The following ACSF2 variants were observed in gnomAD, a reference collection of about 807,000 sequenced individuals.
The protein encoded by ACSF2 is acyl-CoA synthetase family member 2.
ACSF2 carries 52 observed loss-of-function variants against 79.3 expected under a neutral mutation model. The ratio of observed to expected loss-of-function variants is 0.66; its 90% CI spans 0.53 to 0.83. The LOEUF (loss-of-function observed/expected upper bound fraction) is 0.83. Ranked by LOEUF, ACSF2 falls within the 40% of genes least tolerant of loss-of-function variation. The probability of loss-of-function intolerance (pLI) is 0.00; values close to 1 mark genes in which losing one functional copy is unlikely to be tolerated. For missense variants in ACSF2, 661 were observed against 803.3 expected (o/e 0.82, Z 2.14); for synonymous variants, 283 against 312.6 (o/e 0.91, Z 1.00).
chr17:50,472,454 G>A lies in ACSF2; in HGVS notation c.1350G>A (p.Gly450=). 6.2e-7 allele frequency: 1 copy of A among 1,612,786 alleles called. No homozygotes were observed. Among genetic ancestry groups the A allele is most frequent in the Non-Finnish European group, 8.5e-7 (1 of 1,179,400 alleles). Reference sequence around the variant, plus strand: ...CCCGGATCATGAACATGGAGGCAGGGACGCTGGCAAAGCTGAACACGCCCG... The same window carrying A: ...CCCGGATCATGAACATGGAGGCAGGAACGCTGGCAAAGCTGAACACGCCCG... ...TEARIMNMEA[G]TLAKLNTPGE... The change falls in exon 12 of 16, where the codon GGG becomes GGA. Residue 450 remains glycine (G), a synonymous_variant. Transcript: ENST00000300441.
Position 50,462,320 on chromosome 17 carries a change from TAGTG to T in ACSF2, c.626+19_626+22del. The T allele has an allele frequency of 6.2e-7, 1 of 1,613,164 alleles. No homozygotes were observed. The highest frequency in any genetic ancestry group is 1.1e-5 in the South Asian group (1 of 91,046). ...AGTCAGAGGTGGGTGTGTCCCAGGT[TAGTG>T]GGTGGTGCATCATTCAGCATCCCTG... On this transcript the variant is annotated intron_variant, in intron 5 of 15. Transcript: ENST00000300441.
chr17:50,449,978 C>G (rs2031563827), intron 1 of ACSF2, among the ~76,000 whole-genome samples: 1 of 152,154 alleles, frequency 6.6e-6, no homozygotes, highest in Non-Finnish European at 1.5e-5. Flanking sequence ...TCTTCTTTCA[C>G]TTAATAAACG....
chr17:50,471,659 CTG>C lies in ACSF2; in HGVS notation c.1323+525_1323+526del, dbSNP rs1456941235. ...CCATGCCTCCTTTCCTGCTCCAACA[CTG>C]GGGCTGTGCCAGCTGGCTCCTGATT... On this transcript the variant is annotated intron_variant, in intron 11 of 15. Transcript: ENST00000300441. This position sits in a 1 kb window ranked among gnomAD's most constrained non-coding sequence, Gnocchi z 4.1. 8 of 165,304 alleles carry C rather than the reference CTG, an allele frequency of 4.8e-5. No individual in the cohort carries two copies. The highest frequency in any genetic ancestry group is 1.7e-4 in the South Asian group (1 of 6,032). The allele number at this position is 165,304 out of a possible 1,614,324, so 10.2% of individuals were successfully genotyped here.
In ACSF2 at chr17:50,471,207, G is replaced by T. The variant is rs764219004; in HGVS notation, c.1323+72G>T. The T allele has an allele frequency of 7.5e-7, 1 of 1,339,684 alleles. No homozygotes were observed. The highest frequency in any genetic ancestry group is 1.2e-5 in the South Asian group (1 of 84,444). The allele number at this position is 1,339,684 out of a possible 1,614,324, so 83.0% of individuals were successfully genotyped here. A position where few individuals can be genotyped will look rare whatever the true frequency, so the allele number is the denominator to read the frequency against. On this transcript the variant is annotated intron_variant, in intron 11 of 15. Transcript: ENST00000300441. This position sits in a 1 kb window ranked among gnomAD's most constrained non-coding sequence, Gnocchi z 4.1. ...CTGGGGTGCACCCAGCTGGGACATC[G>T]GTTGCTTTCAGTGAGAGAGTCAAAT...
intron 1 of ACSF2, chr17:50,460,307 G>T: frequency 2.1e-6 from 1 of 467,904 alleles, no homozygotes; most frequent in Non-Finnish European, 4.2e-6. Flanking sequence ...AAGGACCCCA[G>T]TGACCTGTTT....
At position 50,471,067 on chromosome 17, in the gene ACSF2, G is replaced by A. The variant is rs777398620; in HGVS notation, c.1255G>A (p.Ala419Thr). Residue 419 changes from alanine to threonine, a missense_variant, in exon 11 of 16, where the codon GCG becomes ACG. By Grantham distance (58) the Ala-to-Thr change is moderately conservative (BLOSUM62 0). Transcript: ENST00000300441. This position sits in a 1 kb window ranked among gnomAD's most constrained non-coding sequence, Gnocchi z 4.1. Reference sequence around the variant, plus strand: ...CACAGAGAACAGTCCCGTGACATTCGCGCACTTCCCTGAGGACACTGTGGA... The same window carrying A: ...CACAGAGAACAGTCCCGTGACATTCACGCACTTCCCTGAGGACACTGTGGA... ...GTTENSPVTF[A>T]HFPEDTVEQK... The A allele has an allele frequency of 2.4e-5, 38 of 1,613,776 alleles. No individual in the cohort carries two copies. Among genetic ancestry groups the A allele is most frequent in the African/African-American group, 1.7e-4 (13 of 74,814 alleles).
chr17:50,439,084 T>C (rs1179278462), intron 1 of ACSF2, among the ~76,000 whole-genome samples: 1 of 152,042 alleles, frequency 6.6e-6, no homozygotes, highest in Non-Finnish European at 1.5e-5. Flanking sequence ...CTTTTTTTTT[T>C]CAAGAGACAG....
At chr17:50,445,802 T>C (rs2031260008) in intron 1 of ACSF2, among the ~76,000 whole-genome samples, 1 of 89,736 alleles carries the variant, frequency 1.1e-5, no homozygotes, top group Admixed American at 1.1e-4. Flanking sequence ...CCCCATCCTA[T>C]CTTTAAAAAA....
rs1260181748 is a variant in ACSF2 at position 50,463,934 on chromosome 17, G to T, written c.1138+25G>T. ...GGTGGGGTGGGGCCAAGGGCAGCCA[G>T]GCTTGGGGAGGGGGCTGCTTCCCCC... On this transcript the variant is annotated intron_variant, in intron 9 of 15. Transcript: ENST00000300441. The surrounding 1 kb of genome is among the most constrained non-coding windows in gnomAD (Gnocchi z 4.6). 1.2e-6 allele frequency: 2 copies of T among 1,609,378 alleles called. No homozygotes were observed. The highest frequency in any genetic ancestry group is 1.7e-6 in the Non-Finnish European group (2 of 1,176,068).
intron 10 of ACSF2, 98 bp downstream of exon 10, chr17:50,464,392 A>G: frequency 8.2e-7 from 1 of 1,222,960 alleles, no homozygotes; most frequent in South Asian, 1.2e-5. Flanking sequence ...TGTTCAAAGG[A>G]GACCCTCTCA....
chr17:50,471,234 G>A lies in ACSF2; in HGVS notation c.1323+99G>A. ...TTGCTTTCAGTGAGAGAGTCAAATG[G>A]CTCACTCAGGATGCCTAGAGCCCCC... On this transcript the variant is annotated intron_variant, in intron 11 of 15. Coordinates refer to ENST00000300441, the MANE Select transcript of ACSF2 (RefSeq NM_025149.6). This position sits in a 1 kb window ranked among gnomAD's most constrained non-coding sequence, Gnocchi z 4.1. The A allele has an allele frequency of 6.2e-6, 6 of 965,018 alleles. No homozygotes were observed. The highest frequency in any genetic ancestry group is 5.9e-4 in the Middle Eastern group (2 of 3,376). The allele number at this position is 965,018 out of a possible 1,614,324, so 59.8% of individuals were successfully genotyped here.
At chr17:50,442,610 T>C (rs1207481546) in intron 1 of ACSF2, among the ~76,000 whole-genome samples, 1 of 151,934 alleles carries the variant, frequency 6.6e-6, no homozygotes, top group African/African-American at 2.4e-5. Context: ...GGACCACAGG[T>C]GCACACCACC....
At chr17:50,445,467 A>G (rs1373737364) in intron 1 of ACSF2, among the ~76,000 whole-genome samples, 1 of 152,116 alleles carries the variant, frequency 6.6e-6, no homozygotes, top group African/African-American at 2.4e-5. Flanking sequence ...ATCTTTTCAT[A>G]AAGCAGAATC....
Position 50,462,233 on chromosome 17 carries a change from A to G in ACSF2, c.557A>G (p.Tyr186Cys), listed in dbSNP as rs750891816. ...CCCAAGCAATTCAAGACCCAGCAATACTACAACGTCCTGAAGCAGATCTGT... is the reference window on the plus strand; with the variant it reads ...CCCAAGCAATTCAAGACCCAGCAATGCTACAACGTCCTGAAGCAGATCTGT... ...VFPKQFKTQQYYNVLKQICPE... is the reference protein window; with the variant it reads ...VFPKQFKTQQCYNVLKQICPE... The change falls in exon 5 of 16, where the codon TAC becomes TGC. Residue 186 changes from tyrosine (Y) to cysteine (C), a missense_variant. Transcript: ENST00000300441. 7 of 1,613,942 alleles carry G rather than the reference A, an allele frequency of 4.3e-6. No homozygotes were observed. The highest frequency in any genetic ancestry group is 5.9e-6 in the Non-Finnish European group (7 of 1,180,002).
chr17:50,448,120 C>T (rs969551030), intron 1 of ACSF2, among the ~76,000 whole-genome samples: 2 of 150,196 alleles, frequency 1.3e-5, no homozygotes, highest in Non-Finnish European at 3.0e-5. Flanking sequence ...AGTGCACTTA[C>T]ACAAATCTAG....
Position 50,460,679 on chromosome 17 carries a change from C to G in ACSF2, c.131C>G (p.Ser44Cys). 6.2e-7 allele frequency: 1 copy of G among 1,610,438 alleles called. No homozygotes were observed. Among genetic ancestry groups the G allele is most frequent in the South Asian group, 1.1e-5 (1 of 90,262 alleles). The change falls in exon 2 of 16, where the codon TCC becomes TGC. Residue 44 changes from serine to cysteine, a missense_variant and splice_region_variant. Coordinates refer to ENST00000300441, the MANE Select transcript of ACSF2 (RefSeq NM_025149.6). ...ACCCATAGCTCCTCTCCCTACAGTT[C>G]CAGAGAGGTGGATCGCATGGTCTCC... Reference protein sequence around the residue: ...ARLQGVRFLSSREVDRMVSTP... With the variant: ...ARLQGVRFLSCREVDRMVSTP...
intron 3 of ACSF2, 41 bp from the exon 4 acceptor site, chr17:50,461,592 G>A (rs2032330506): frequency 1.2e-6 from 2 of 1,613,774 alleles, no homozygotes; most frequent in South Asian, 1.1e-5. Context: ...GAGGGACAGG[G>A]TCTGCCCAGA....
rs146506207 is a variant in ACSF2 at position 50,463,701 on chromosome 17, C to A, written c.1047-117C>A. 6.0e-4 allele frequency: 894 copies of A among 1,478,860 alleles called. 3 individuals are homozygous for A. In the African/African-American group the frequency reaches 0.01, roughly 17 times the overall value. 91.6% of individuals were successfully genotyped at this position (1,478,860 alleles called of 1,614,324 possible). ...GAGGACCCCCAGGAGAGGACCAGTT[C>A]CTGCCTCAGGAGCTTCTCCTGCCTA... is the stretch of plus-strand genomic sequence containing the variant. On this transcript the variant is annotated intron_variant, in intron 8 of 15. Coordinates refer to ENST00000300441, the MANE Select transcript of ACSF2 (RefSeq NM_025149.6). This position sits in a 1 kb window ranked among gnomAD's most constrained non-coding sequence, Gnocchi z 4.6.
At chr17:50,466,626 TC>T (rs2032748795) in intron 10 of ACSF2, among the ~76,000 whole-genome samples, 1 of 152,110 alleles carries the variant, frequency 6.6e-6, no homozygotes, top group South Asian at 2.1e-4. Context: ...GGGCCCAGGC[TC>T]CCCACAGTCC....
Sources: gnomAD v4.1 joint callset for allele counts (sites outside exome capture counted in the v4.1 genomes callset) on GRCh38, gnomAD v4.1.1 for gene constraint, Gnocchi (gnomAD v3.1) non-coding constraint, MANE v1.5 for transcripts, NCBI Gene and HGNC (gene_info 2026-07-23, HGNC 2026-07-21) for gene names.